The following ESRRG variants were observed in gnomAD, a reference collection of about 807,000 sequenced individuals.
ESRRG encodes estrogen related receptor gamma, also known as estrogen-related receptor gamma.
ESRRG carries 13 observed loss-of-function variants against 44.0 expected under a neutral mutation model. That is an observed-to-expected ratio of 0.30 (90% CI 0.19 to 0.47). ESRRG has a LOEUF of 0.47. ESRRG is among the 20% of genes least tolerant of loss of function. The probability of loss-of-function intolerance (pLI) is 1.00; values close to 1 mark genes in which losing one functional copy is unlikely to be tolerated. For synonymous variants in ESRRG, 215 were observed against 214.6 expected (o/e 1.00, Z -0.02); for missense variants, 395 against 580.6 (o/e 0.68, Z 3.29).
At chr1:216,627,013 A>C (rs1028549699) in intron 3 of ESRRG, among the ~76,000 whole-genome samples, 1 of 152,234 alleles carries the variant, frequency 6.6e-6, no homozygotes, top group African/African-American at 2.4e-5. Flanking sequence ...ATTTGTGACC[A>C]CTAAAGTCTA....
intron 2 of ESRRG, among the ~76,000 whole-genome samples, chr1:216,754,697 AAG>A (rs2092330389): frequency 7.2e-6 from 1 of 139,428 alleles, no homozygotes; most frequent in Admixed American, 7.1e-5. Context: ...GCAAAAGAGA[AAG>A]AACTTTTTTT....
chr1:216,522,689 G>C (rs777754706), intron 5 of ESRRG, among the ~76,000 whole-genome samples: 1 of 151,990 alleles, frequency 6.6e-6, no homozygotes, highest in East Asian at 1.9e-4. Flanking sequence ...TACTAGCTAC[G>C]TTGCACATAC....
At chr1:216,781,324 G>A (rs922626022) in intron 2 of ESRRG, among the ~76,000 whole-genome samples, 1 of 151,698 alleles carries the variant, frequency 6.6e-6, no homozygotes, top group South Asian at 2.1e-4. Context: ...GGAGAGTAAG[G>A]CCATAGAGAA....
chr1:216,820,243 G>C (rs2095257467), intron 2 of ESRRG, among the ~76,000 whole-genome samples: 1 of 152,178 alleles, frequency 6.6e-6, no homozygotes, highest in African/African-American at 2.4e-5. Flanking sequence ...GATAAACTGA[G>C]AATTCAGTTT....
At chr1:216,746,668 C>A (rs901895840) in intron 2 of ESRRG, among the ~76,000 whole-genome samples, 4 of 152,212 alleles carry the variant, frequency 2.6e-5, no homozygotes, top group African/African-American at 9.6e-5. Flanking sequence ...TGATTAGTGA[C>A]CTGTTTAAAT....
intron 5 of ESRRG, among the ~76,000 whole-genome samples, chr1:216,557,749 C>A (rs949963865): frequency 6.6e-6 from 1 of 152,114 alleles, no homozygotes; most frequent in African/African-American, 2.4e-5. Context: ...TGTATGCACA[C>A]ACATGTATAT....
At chr1:216,687,227 C>G (rs1455706878) in intron 1 of ESRRG, among the ~76,000 whole-genome samples, 1 of 152,036 alleles carries the variant, frequency 6.6e-6, no homozygotes, top group Non-Finnish European at 1.5e-5. Flanking sequence ...GAATGGGACT[C>G]TTGGTTTTTT....
intron 2 of ESRRG, among the ~76,000 whole-genome samples, chr1:216,732,219 T>C (rs1014269596): frequency 6.6e-6 from 1 of 151,972 alleles, no homozygotes; most frequent in Admixed American, 6.6e-5. Context: ...ATTTCACACG[T>C]GCTCCTTTTG....
chr1:217,072,225 A>C (rs910819652), intron 1 of ESRRG, among the ~76,000 whole-genome samples: 18 of 152,186 alleles, frequency 1.2e-4, no homozygotes, highest in African/African-American at 4.3e-4. Context: ...TCACCACCAC[A>C]GTTATCATCA....
chr1:217,133,656 T>TC (rs879256214), intron 1 of ESRRG, among the ~76,000 whole-genome samples: 89 of 65,132 alleles, frequency 1.4e-3, no homozygotes, highest in African/African-American at 2.6e-3. Context: ...TCTTTCTTTC[T>TC]TTCTTTCTTT....
At chr1:217,054,633 A>G (rs2086723265) in intron 1 of ESRRG, among the ~76,000 whole-genome samples, 1 of 152,176 alleles carries the variant, frequency 6.6e-6, no homozygotes, top group Non-Finnish European at 1.5e-5. Flanking sequence ...TCTTGCCACA[A>G]CTGTGTCTAT....
chr1:216,899,621 G>C (rs1361077954), intron 2 of ESRRG, among the ~76,000 whole-genome samples: 1 of 152,196 alleles, frequency 6.6e-6, no homozygotes, highest in African/African-American at 2.4e-5. Context: ...ACCAGCCATG[G>C]TGGCAGTTAT....
intron 5 of ESRRG, among the ~76,000 whole-genome samples, chr1:216,520,003 T>C (rs1252709339): frequency 1.3e-5 from 2 of 152,234 alleles, no homozygotes; most frequent in East Asian, 3.9e-4. Flanking sequence ...CCCACTGATA[T>C]TTAACATGAC....
At chr1:216,904,528 C>G (rs1053997434) in intron 2 of ESRRG, among the ~76,000 whole-genome samples, 6 of 152,126 alleles carry the variant, frequency 3.9e-5, no homozygotes, top group Non-Finnish European at 7.4e-5. Context: ...ATTTTTCCCC[C>G]CTTCTTATCT....
chr1:216,698,203 C>G (rs1186571653), intron 1 of ESRRG, among the ~76,000 whole-genome samples: 1 of 152,100 alleles, frequency 6.6e-6, no homozygotes, highest in African/African-American at 2.4e-5. Flanking sequence ...TACATATTAG[C>G]TAACTAGTTA....
chr1:216,797,826 G>T lies in ESRRG; in HGVS notation c.-13-120335C>A, dbSNP rs146517271. ...GTTTGGCCAGCTTCTCCACTGTAAA[G>T]TTACTCTTTTCCACCCCTTATTTTA... On this transcript the variant is annotated intron_variant, in intron 2 of 7. Transcript: ENST00000359162. 3.9e-3 allele frequency among the ~76,000 whole-genome samples: 601 copies of T among 152,244 alleles called. 8 individuals are homozygous for T. Among genetic ancestry groups the T allele is most frequent in the Admixed American group, 8.0e-3 (122 of 15,290 alleles).
chr1:216,875,244 G>GTT (rs1257502776), intron 2 of ESRRG, among the ~76,000 whole-genome samples: 3 of 152,076 alleles, frequency 2.0e-5, no homozygotes, highest in Non-Finnish European at 4.4e-5. Context: ...TTAAAATTAA[G>GTT]TTTTATATAG....
intron 1 of ESRRG, among the ~76,000 whole-genome samples, chr1:216,974,166 C>T (rs551883029): frequency 3.9e-5 from 6 of 152,056 alleles, no homozygotes; most frequent in Non-Finnish European, 8.8e-5. Flanking sequence ...AAAAGTCTTG[C>T]TAATTAGAAA....
chr1:216,891,795 T>C (rs1293925454), intron 2 of ESRRG, among the ~76,000 whole-genome samples: 1 of 99,126 alleles, frequency 1.0e-5, no homozygotes, highest in Non-Finnish European at 1.9e-5. Context: ...TGGTGCCCGC[T>C]TTTTTTTTTT....
Sources: gnomAD v4.1 joint callset for allele counts (sites outside exome capture counted in the v4.1 genomes callset) on GRCh38, gnomAD v4.1.1 for gene constraint, MANE v1.5 for transcripts, NCBI Gene and HGNC (gene_info 2026-07-23, HGNC 2026-07-21) for gene names.